Variants in ELMO1 observed in about 807,000 individuals in gnomAD.
ELMO1 encodes the protein engulfment and cell motility protein 1.
Under a neutral mutation model 98.9 loss-of-function variants are expected in ELMO1, and 26 were observed. The observed-to-expected ratio is 0.26, with a 90% CI of 0.19 to 0.36. The LOEUF is 0.36. Among genes scored for constraint, ELMO1 ranks in the 10% least tolerant of loss-of-function variants. ELMO1 has a pLI of 1.00. For synonymous variants in ELMO1, 346 were observed against 346.0 expected (o/e 1.00, Z 0.00); for missense variants, 627 against 935.2 (o/e 0.67, Z 4.30).
At chr7:37,131,947 G>A (rs1786948727) in intron 14 of ELMO1, among the ~76,000 whole-genome samples, 1 of 152,190 alleles carries the variant, frequency 6.6e-6, no homozygotes, top group African/African-American at 2.4e-5. Flanking sequence ...ACTGCTGGGT[G>A]GTACAGTTTT....
chr7:37,064,421 T>A (rs1796840837), intron 15 of ELMO1, among the ~76,000 whole-genome samples: 2 of 152,056 alleles, frequency 1.3e-5, no homozygotes, highest in Admixed American at 1.3e-4. Context: ...GAGCATCAGA[T>A]CATCAGGTTC....
At chr7:37,195,692 C>A (rs1391889944) in intron 13 of ELMO1, among the ~76,000 whole-genome samples, 1 of 152,212 alleles carries the variant, frequency 6.6e-6, no homozygotes, top group Admixed American at 6.5e-5. Flanking sequence ...TGGCTCTTCT[C>A]CTAACAGACC....
intron 4 of ELMO1, among the ~76,000 whole-genome samples, chr7:37,302,624 C>CCA (rs747149954): frequency 3.7e-4 from 56 of 152,158 alleles, no homozygotes; most frequent in Non-Finnish European, 7.1e-4. Context: ...ATTCTAGCCC[C>CCA]CAGCTATTCA....
chr7:37,007,408 T>C (rs546832119), intron 16 of ELMO1, among the ~76,000 whole-genome samples: 1 of 152,350 alleles, frequency 6.6e-6, no homozygotes, highest in East Asian at 1.9e-4. Flanking sequence ...CAGCTTCCCC[T>C]GGGCATGGAT....
intron 1 of ELMO1, among the ~76,000 whole-genome samples, chr7:37,402,995 C>G (rs567835812): frequency 1.9e-4 from 29 of 152,186 alleles, no homozygotes; most frequent in Non-Finnish European, 4.3e-4. Flanking sequence ...AACCTGCACT[C>G]AAATGTTTAG....
At chr7:37,137,469 A>C (rs1262288438) in intron 13 of ELMO1, among the ~76,000 whole-genome samples, 1 of 152,160 alleles carries the variant, frequency 6.6e-6, no homozygotes, top group African/African-American at 2.4e-5. Context: ...TGCAGAATAC[A>C]CATTCTATTC....
At chr7:37,210,797 G>A (rs1435256302) in intron 13 of ELMO1, among the ~76,000 whole-genome samples, 1 of 151,884 alleles carries the variant, frequency 6.6e-6, no homozygotes, top group Non-Finnish European at 1.5e-5. Context: ...GACTTCATGG[G>A]GAGAAAATCG....
At chr7:37,324,463 G>A (rs1273718182) in intron 2 of ELMO1, among the ~76,000 whole-genome samples, 1 of 152,222 alleles carries the variant, frequency 6.6e-6, no homozygotes, top group African/African-American at 2.4e-5. Flanking sequence ...ATGACATGGG[G>A]AAAATGTTCA....
intron 14 of ELMO1, among the ~76,000 whole-genome samples, chr7:37,100,362 C>T (rs1022939563): frequency 6.6e-6 from 1 of 152,150 alleles, no homozygotes; most frequent in African/African-American, 2.4e-5. Context: ...TCCAGGCTCT[C>T]CTCTGAATGC....
intron 20 of ELMO1, among the ~76,000 whole-genome samples, chr7:36,868,591 GC>G (rs1259482093): frequency 6.6e-6 from 1 of 151,990 alleles, no homozygotes; most frequent in African/African-American, 2.4e-5. Flanking sequence ...CTTGTGATCC[GC>G]CCGCCTTGGC....
At position 36,855,957 on chromosome 7, in the gene ELMO1, A is replaced by T. The variant is rs866891416; in HGVS notation, c.1984-206T>A. Among the ~76,000 whole-genome samples, 1 of 152,358 alleles carries T rather than the reference A, an allele frequency of 6.6e-6. No homozygotes were observed. The highest frequency in any genetic ancestry group is 3.4e-3 in the Middle Eastern group (1 of 294). ...TTTATAGGTGAAGGAACTGAGGTAC[A>T]GAGAAGTGACTCAGTATTATGTAGA... is the stretch of plus-strand genomic sequence containing the variant. On this transcript the variant is annotated intron_variant, in intron 21 of 21. Transcript: ENST00000310758. This position sits in a 1 kb window ranked among gnomAD's most constrained non-coding sequence, Gnocchi z 4.2.
In ELMO1 at chr7:37,302,494, G is replaced by A. The variant is rs574072486; in HGVS notation, c.192+12356C>T. ...AACATTGCCACCATGCTGTGGGGAA[G>A]CCCAAGCCACATGGAAAGGACATAT... On this transcript the variant is annotated intron_variant, in intron 4 of 21. Transcript: ENST00000310758. 4.6e-5 allele frequency among the ~76,000 whole-genome samples: 7 copies of A among 152,198 alleles called. No homozygotes were observed. In the East Asian group the frequency reaches 1.4e-3, roughly 29 times the overall value.
intron 10 of ELMO1, 145 bp downstream of exon 10, chr7:37,222,470 G>C (rs1025163688): frequency 7.5e-6 from 6 of 799,008 alleles, no homozygotes; most frequent in African/African-American, 5.2e-5. Context: ...CAGCCGTGCA[G>C]CGGAACATAG....
At chr7:37,177,878 A>C (rs2129932590) in intron 13 of ELMO1, among the ~76,000 whole-genome samples, 1 of 152,328 alleles carries the variant, frequency 6.6e-6, no homozygotes, top group East Asian at 1.9e-4. Flanking sequence ...TTATAGATTG[A>C]AATCAGCTTT....
At chr7:37,214,162 A>T (rs918752521) in intron 11 of ELMO1, among the ~76,000 whole-genome samples, 1 of 152,194 alleles carries the variant, frequency 6.6e-6, no homozygotes, top group Non-Finnish European at 1.5e-5. Flanking sequence ...CTGCCCAGAA[A>T]TGGGACAGCT....
chr7:37,189,136 A>G (rs1791423103), intron 13 of ELMO1, among the ~76,000 whole-genome samples: 1 of 152,238 alleles, frequency 6.6e-6, no homozygotes, highest in African/African-American at 2.4e-5. Flanking sequence ...AGAATTCGGT[A>G]ATTGTGTATG....
chr7:36,893,650 A>C (rs1363979968), intron 17 of ELMO1, among the ~76,000 whole-genome samples: 1 of 152,216 alleles, frequency 6.6e-6, no homozygotes, highest in African/African-American at 2.4e-5. Flanking sequence ...CTCACATTGC[A>C]AAGAAGCTAG....
chr7:37,164,484 A>G (rs940274709), intron 13 of ELMO1, among the ~76,000 whole-genome samples: 1 of 152,116 alleles, frequency 6.6e-6, no homozygotes, highest in African/African-American at 2.4e-5. Flanking sequence ...TAACATTTAA[A>G]TCTTTAATCC....
chr7:37,410,851 T>C (rs2131496380), intron 1 of ELMO1, among the ~76,000 whole-genome samples: 1 of 152,274 alleles, frequency 6.6e-6, no homozygotes, highest in East Asian at 1.9e-4. Context: ...TTTAGCTAAC[T>C]AAAGAAAAGG....
Sources: allele counts gnomAD v4.1 joint callset (sites outside exome capture counted in the v4.1 genomes callset), GRCh38; gene constraint gnomAD v4.1.1; non-coding constraint Gnocchi (gnomAD v3.1); transcripts MANE v1.5; gene names NCBI Gene and HGNC (gene_info 2026-07-23, HGNC 2026-07-21).